Variants in DAAM1 observed in about 807,000 individuals in gnomAD.
DAAM1 encodes disheveled-associated activator of morphogenesis 1.
Under a neutral mutation model 130.0 loss-of-function variants are expected in DAAM1, and 52 were observed. The ratio of observed to expected loss-of-function variants is 0.40; its 90% CI spans 0.32 to 0.50. DAAM1 has a LOEUF of 0.50. Among genes scored for constraint, DAAM1 ranks in the 20% least tolerant of loss-of-function variants. The pLI is 0.61. For missense variants in DAAM1, 1,134 were observed against 1,303.8 expected, an observed-to-expected ratio of 0.87 and a Z score of 2.01; for synonymous variants, 452 against 444.5, an observed-to-expected ratio of 1.02 and a Z score of -0.21.
At position 59,263,691 on chromosome 14, in the gene DAAM1, TG is replaced by T. The variant is rs769846373; in HGVS notation, c.183+35del. 9 of 1,602,746 alleles carry T rather than the reference TG, an allele frequency of 5.6e-6. No homozygotes were observed. The South Asian group carries it at 9.9e-5, about 18-fold the overall frequency. ...TCCCAGTTTTCTATCCTGGCATTGGTGGGGAGCCAGAGAAGGAGAAGAGGAG... is the reference window on the plus strand; with the variant it reads ...TCCCAGTTTTCTATCCTGGCATTGGTGGGAGCCAGAGAAGGAGAAGAGGAG... On this transcript the variant is annotated intron_variant, in intron 2 of 24. Coordinates refer to ENST00000360909, the MANE Select transcript of DAAM1 (RefSeq NM_001270520.2).
chr14:59,210,724 G>A (rs188226927), intron 1 of DAAM1, among the ~76,000 whole-genome samples: 177 of 152,256 alleles, frequency 1.2e-3, no homozygotes, highest in African/African-American at 3.9e-3. Flanking sequence ...AATCTTAGTA[G>A]TTTTCTGCTG....
chr14:59,254,395 G>T (rs1054938678), intron 1 of DAAM1, among the ~76,000 whole-genome samples: 1 of 152,184 alleles, frequency 6.6e-6, no homozygotes, highest in Non-Finnish European at 1.5e-5. Context: ...GACAAAGCTG[G>T]CTGTGGAGTT....
chr14:59,226,108 A>G (rs1888936386), intron 1 of DAAM1, among the ~76,000 whole-genome samples: 1 of 152,100 alleles, frequency 6.6e-6, no homozygotes, highest in Non-Finnish European at 1.5e-5. Context: ...ATTATTTTCA[A>G]GTAGTTTCAG....
rs1889158912 is a variant in DAAM1, at chr14:59,232,950, T to C, written c.-37-30491T>C. Among the ~76,000 whole-genome samples the C allele has an allele frequency of 3.3e-5, 5 of 152,324 alleles. No individual in the cohort carries two copies. In the South Asian group the frequency reaches 1.0e-3, roughly 32 times the overall value. On this transcript the variant is annotated intron_variant, in intron 1 of 24. Transcript: ENST00000360909. ...GGATGATGGCTTCTGGCTTCATCCA[T>C]GTCCCTGCAAAGGACATGAGCTCAT... is the stretch of plus-strand genomic sequence containing the variant.
intron 2 of DAAM1, among the ~76,000 whole-genome samples, chr14:59,270,388 C>G (rs1263626716): frequency 6.6e-6 from 1 of 152,100 alleles, no homozygotes; most frequent in Non-Finnish European, 1.5e-5. Context: ...GGTGGGGTGG[C>G]AGGTGCTAGG....
intron 2 of DAAM1, among the ~76,000 whole-genome samples, chr14:59,284,657 C>T (rs928331870): frequency 1.3e-5 from 2 of 151,966 alleles, no homozygotes; most frequent in Non-Finnish European, 2.9e-5. Context: ...AAAATCACTA[C>T]AGGAATTTCA....
At chr14:59,277,400 G>A (rs2139534456) in intron 2 of DAAM1, among the ~76,000 whole-genome samples, 2 of 152,142 alleles carry the variant, frequency 1.3e-5, no homozygotes, top group Admixed American at 1.3e-4. Context: ...GCTTAATAAT[G>A]CACTTTGTTA....
intron 12 of DAAM1, 112 bp downstream of exon 12, chr14:59,327,103 CCTTT>C (rs759515599): frequency 9.0e-6 from 11 of 1,220,532 alleles, no homozygotes; most frequent in African/African-American, 1.5e-5. Context: ...GTGCAGGCAG[CCTTT>C]CTTTTTCCAT....
At chr14:59,229,289 C>G (rs994774083) in intron 1 of DAAM1, among the ~76,000 whole-genome samples, 9 of 152,160 alleles carry the variant, frequency 5.9e-5, no homozygotes, top group Non-Finnish European at 1.3e-4. Context: ...TGTCATTTGG[C>G]TTTTGATTTT....
At chr14:59,272,608 TACACAC>T (rs35308018) in intron 2 of DAAM1, among the ~76,000 whole-genome samples, 172 of 137,056 alleles carry the variant, frequency 1.3e-3, no homozygotes, top group African/African-American at 4.0e-3. Context: ...TATATATATA[TACACAC>T]ACACACACAC....
intron 2 of DAAM1, among the ~76,000 whole-genome samples, chr14:59,287,455 A>C (rs763005302): frequency 4.6e-5 from 7 of 152,206 alleles, no homozygotes; most frequent in Non-Finnish European, 1.0e-4. Flanking sequence ...AAGAGAAAGA[A>C]ATAAAAGGCT....
chr14:59,343,905 G>A (rs1268592020), intron 16 of DAAM1, among the ~76,000 whole-genome samples: 4 of 152,224 alleles, frequency 2.6e-5, no homozygotes, highest in African/African-American at 9.6e-5. Flanking sequence ...CATGGGAAGA[G>A]AGTAGAATGG....
intron 1 of DAAM1, among the ~76,000 whole-genome samples, chr14:59,234,521 T>G (rs899009533): frequency 1.3e-5 from 2 of 152,192 alleles, no homozygotes; most frequent in Non-Finnish European, 2.9e-5. Flanking sequence ...TTAAGGAGTT[T>G]TTGGGCTGAG....
intron 1 of DAAM1, among the ~76,000 whole-genome samples, chr14:59,247,130 C>A (rs756318811): frequency 9.9e-5 from 15 of 152,148 alleles, no homozygotes; most frequent in South Asian, 2.1e-4. Flanking sequence ...TTTCCCAGCA[C>A]CATTTGTCGA....
chr14:59,340,866 T>A (rs1885816267), intron 16 of DAAM1, among the ~76,000 whole-genome samples: 1 of 152,200 alleles, frequency 6.6e-6, no homozygotes, highest in Non-Finnish European at 1.5e-5. Context: ...TAAAAGGAAC[T>A]TTCACATTAG....
chr14:59,229,480 C>G (rs1889039664), intron 1 of DAAM1, among the ~76,000 whole-genome samples: 1 of 152,194 alleles, frequency 6.6e-6, no homozygotes, highest in South Asian at 2.1e-4. Context: ...CTTCACATTG[C>G]TCTTCAGAGA....
chr14:59,353,387 T>G (rs1263464329), intron 18 of DAAM1, among the ~76,000 whole-genome samples: 1 of 152,106 alleles, frequency 6.6e-6, no homozygotes, highest in East Asian at 1.9e-4. Flanking sequence ...GAGAGGACAA[T>G]GTGGGAAGCG....
At chr14:59,229,209 A>G (rs996690683) in intron 1 of DAAM1, among the ~76,000 whole-genome samples, 3 of 152,180 alleles carry the variant, frequency 2.0e-5, no homozygotes, top group Non-Finnish European at 4.4e-5. Flanking sequence ...CCCACTTTTC[A>G]TTGAGCGAAT....
chr14:59,218,083 T>C (rs1282951893), intron 1 of DAAM1, among the ~76,000 whole-genome samples: 3 of 151,982 alleles, frequency 2.0e-5, no homozygotes, highest in Non-Finnish European at 4.4e-5. Context: ...CAGTGAACTA[T>C]GATTGGGCCA....
Sources: gnomAD v4.1 joint callset for allele counts (sites outside exome capture counted in the v4.1 genomes callset) on GRCh38, gnomAD v4.1.1 for gene constraint, MANE v1.5 for transcripts, NCBI Gene and HGNC (gene_info 2026-07-23, HGNC 2026-07-21) for gene names.